The following CFAP58 variants were observed in gnomAD, a reference collection of about 807,000 sequenced individuals.
The protein encoded by CFAP58 is cilia- and flagella-associated protein 58.
In CFAP58, 88 loss-of-function variants were observed where a neutral mutation model predicts 119.5. That is an observed-to-expected ratio of 0.74 (90% CI 0.62 to 0.88). CFAP58 has a LOEUF of 0.88. Among genes scored for constraint, CFAP58 ranks in the 40% least tolerant of loss-of-function variants. CFAP58 has a pLI of 0.00. For synonymous variants in CFAP58, 365 were observed against 366.3 expected (o/e 1.00, Z 0.04); for missense variants, 990 against 1,021.2 (o/e 0.97, Z 0.42).
In CFAP58 at chr10:104,406,894, G is replaced by A. The variant is rs182788592; in HGVS notation, c.2256+101G>A. ...GTTATTTGGCAGCATTGCATGTCCTGTATTTAACTGTAGATGGCAACAGTG... is the reference window on the plus strand; with the variant it reads ...GTTATTTGGCAGCATTGCATGTCCTATATTTAACTGTAGATGGCAACAGTG... On this transcript the variant is annotated intron_variant, in intron 15 of 17. Transcript: ENST00000369704. 8.4e-6 allele frequency: 7 copies of A among 831,636 alleles called. No individual in the cohort carries two copies. The Admixed American group carries it at 1.3e-4, about 15-fold the overall frequency. 51.5% of individuals were successfully genotyped at this position (831,636 alleles called of 1,614,324 possible).
chr10:104,357,282 A>G (rs369212848), intron 1 of CFAP58, among the ~76,000 whole-genome samples: 2 of 152,352 alleles, frequency 1.3e-5, no homozygotes, highest in African/African-American at 4.8e-5. Flanking sequence ...CTAACCATGG[A>G]AAGCAAATGT....
chr10:104,399,211 GT>G (rs2012216865), intron 11 of CFAP58, 148 bp from the exon 12 acceptor site: 2 of 662,736 alleles, frequency 3.0e-6, no homozygotes, highest in South Asian at 3.9e-5. Context: ...TTGTAAGCTT[GT>G]TTTGCTTGTG....
chr10:104,349,006 G>GGAGGCCACGGCA (rs1417902778), upstream of CFAP58, among the ~76,000 whole-genome samples: 1 of 152,168 alleles, frequency 6.6e-6, no homozygotes, highest in Non-Finnish European at 1.5e-5. Flanking sequence ...CAGCATTTTG[G>GGAGGCCACGGCA]GAGGCCACGG....
At chr10:104,449,930 G>C (rs1181832927) in intron 16 of CFAP58, 141 bp from the exon 17 acceptor site, 3 of 783,838 alleles carry the variant, frequency 3.8e-6, no homozygotes, top group Non-Finnish European at 6.0e-6. Context: ...CCCTGAGCTG[G>C]TGGAAGCATG....
chr10:104,400,957 T>G, intron 13 of CFAP58, 54 bp downstream of exon 13: 25 of 1,279,004 alleles, frequency 2.0e-5, no homozygotes, highest in African/African-American at 3.0e-5. Context: ...GGGGAGCTCC[T>G]AAAATCACTT....
chr10:104,407,177 C>G (rs1417114331), intron 15 of CFAP58, among the ~76,000 whole-genome samples: 1 of 152,174 alleles, frequency 6.6e-6, no homozygotes, highest in Non-Finnish European at 1.5e-5. Flanking sequence ...ATGATCTGTT[C>G]ACATGAAGAT....
chr10:104,454,701 G>T lies in CFAP58; in HGVS notation c.*171G>T. The T allele has an allele frequency of 1.7e-6, 1 of 587,738 alleles. No individual in the cohort carries two copies. Among genetic ancestry groups the T allele is most frequent in the Admixed American group, 3.1e-5 (1 of 31,902 alleles). The allele number at this position is 587,738 out of a possible 1,614,324, so 36.4% of individuals were successfully genotyped here. On this transcript the variant is annotated 3_prime_UTR_variant, in exon 18 of 18. Transcript: ENST00000369704. ...ATATAAGAGGGATGGTGTTTTGTCT[G>T]GTTCACGTTGATATTAACAGATCAT... is the stretch of plus-strand genomic sequence containing the variant.
At chr10:104,368,334 C>A in intron 5 of CFAP58, 89 bp from the exon 6 acceptor site, 1 of 1,276,510 alleles carries the variant, frequency 7.8e-7, no homozygotes, top group Non-Finnish European at 1.1e-6. Context: ...CTGTTATCTT[C>A]CCAGGAGGTT....
chr10:104,400,117 C>T (rs2012236121), intron 12 of CFAP58, among the ~76,000 whole-genome samples: 1 of 152,048 alleles, frequency 6.6e-6, no homozygotes, highest in South Asian at 2.1e-4. Flanking sequence ...AAACGATACA[C>T]ACATGGGCTA....
chr10:104,381,510 C>T (rs2011803129), intron 9 of CFAP58, among the ~76,000 whole-genome samples: 1 of 152,120 alleles, frequency 6.6e-6, no homozygotes, highest in African/African-American at 2.4e-5. Context: ...ACCTTTTCTC[C>T]CCCTAGCAAG....
chr10:104,389,875 C>A (rs2011998525), intron 9 of CFAP58, among the ~76,000 whole-genome samples: 1 of 152,124 alleles, frequency 6.6e-6, no homozygotes, highest in Non-Finnish European at 1.5e-5. Flanking sequence ...ATAGGCCTAG[C>A]TCACTTGGGA....
At chr10:104,410,941 T>G (rs1024930043) in intron 15 of CFAP58, among the ~76,000 whole-genome samples, 8 of 152,090 alleles carry the variant, frequency 5.3e-5, no homozygotes, top group Non-Finnish European at 2.9e-5. Context: ...ATTTATTTAT[T>G]CATTTATTTA....
chr10:104,428,978 C>T (rs570805506), intron 15 of CFAP58, among the ~76,000 whole-genome samples: 12 of 152,120 alleles, frequency 7.9e-5, no homozygotes, highest in African/African-American at 2.4e-4. Context: ...AAGAAATGGA[C>T]GTGGGAATTG....
chr10:104,387,460 A>G lies in CFAP58; in HGVS notation c.1366-4773A>G, dbSNP rs757610022. 4.6e-5 allele frequency among the ~76,000 whole-genome samples: 7 copies of G among 152,184 alleles called. No individual in the cohort carries two copies. The East Asian group carries it at 9.6e-4, about 21-fold the overall frequency. On this transcript the variant is annotated intron_variant, in intron 9 of 17. Coordinates refer to ENST00000369704, the MANE Select transcript of CFAP58 (RefSeq NM_001008723.2). ...CCTCCCATTGGCTATAGCGAGTCACATGGCCAAGGCTAACATCAACAGCAA... is the reference window on the plus strand; with the variant it reads ...CCTCCCATTGGCTATAGCGAGTCACGTGGCCAAGGCTAACATCAACAGCAA...
In CFAP58 at chr10:104,447,746, C is replaced by T; in HGVS notation, c.2305C>T (p.Pro769Ser). The T allele has an allele frequency of 6.2e-7, 1 of 1,614,172 alleles. No homozygotes were observed. Among genetic ancestry groups the T allele is most frequent in the Admixed American group, 1.7e-5 (1 of 60,012 alleles). Residue 769 changes from proline to serine, a missense_variant, in exon 16 of 18, where the codon CCT becomes TCT. Transcript: ENST00000369704. ...ACTAAAGCACGTCTTGGCCCGCCAG[C>T]CTGGACCTGAGGCTGCGGAACAGCT... is the stretch of plus-strand genomic sequence containing the variant. ...MELKHVLARQ[P>S]GPEAAEQLKL...
At chr10:104,342,375 C>T in the CFAP58 span, among the ~76,000 whole-genome samples, 11 of 152,180 alleles carry the variant, frequency 7.2e-5, no homozygotes, top group African/African-American at 2.7e-4. Flanking sequence ...CTGAACAGAA[C>T]ATTGTTATTG....
chr10:104,362,752 T>G (rs2014688558), intron 3 of CFAP58, among the ~76,000 whole-genome samples: 1 of 152,194 alleles, frequency 6.6e-6, no homozygotes, highest in African/African-American at 2.4e-5. Flanking sequence ...AGACATGTCT[T>G]TCTTTATTCC....
the CFAP58 span, among the ~76,000 whole-genome samples, chr10:104,345,163 A>G: frequency 3.9e-5 from 6 of 152,110 alleles, no homozygotes; most frequent in East Asian, 1.9e-4. Flanking sequence ...AAACAAAAAC[A>G]AAAAGCTTAT....
rs966440505 is a variant in CFAP58 at position 104,357,960 on chromosome 10, T to C, written c.10-381T>C. Among the ~76,000 whole-genome samples the C allele has an allele frequency of 1.9e-4, 23 of 122,054 alleles. 2 individuals carry two copies. The highest frequency in any genetic ancestry group is 9.4e-4 in the South Asian group (4 of 4,268). The allele number at this position is 122,054 out of a possible 152,430, so 80.1% of individuals were successfully genotyped here. On this transcript the variant is annotated intron_variant, in intron 1 of 17. Transcript: ENST00000369704. ...ACATATATGTACACATATATACACA[T>C]ATATGTACACATATGTACATATGTA...
Sources: gnomAD v4.1 joint callset for allele counts (sites outside exome capture counted in the v4.1 genomes callset) on GRCh38, gnomAD v4.1.1 for gene constraint, MANE v1.5 for transcripts, NCBI Gene and HGNC (gene_info 2026-07-23, HGNC 2026-07-21) for gene names.